Variants in CACNA1C observed in about 807,000 individuals in gnomAD.
CACNA1C encodes the protein voltage-dependent L-type calcium channel subunit alpha-1C.
A neutral mutation model predicts 229.0 loss-of-function variants in CACNA1C; 30 were observed. The ratio of observed to expected loss-of-function variants is 0.13; its 90% CI spans 0.10 to 0.18. The LOEUF is 0.18. Ranked by LOEUF, CACNA1C falls within the 10% of genes least tolerant of loss-of-function variation. CACNA1C has a pLI of 1.00. For synonymous variants in CACNA1C, 1,114 were observed against 1,132.5 expected, an observed-to-expected ratio of 0.98 and a Z score of 0.33; for missense variants, 1,658 against 2,845.0, an observed-to-expected ratio of 0.58 and a Z score of 9.49.
At chr12:2,453,473 G>A (rs572414756) in intron 4 of CACNA1C, among the ~76,000 whole-genome samples, 3 of 152,268 alleles carry the variant, frequency 2.0e-5, no homozygotes, top group South Asian at 2.1e-4. Flanking sequence ...ACGACCCAGC[G>A]TGTAGTGCAC....
At chr12:2,037,661 A>G (rs943420076) in intron 1 of CACNA1C, among the ~76,000 whole-genome samples, 1 of 152,198 alleles carries the variant, frequency 6.6e-6, no homozygotes, top group African/African-American at 2.4e-5. Flanking sequence ...AAGGGTTTCC[A>G]TCAGCTCAGG....
At chr12:2,395,326 C>T (rs1003631290) in intron 3 of CACNA1C, among the ~76,000 whole-genome samples, 3 of 150,744 alleles carry the variant, frequency 2.0e-5, no homozygotes. Flanking sequence ...TGAAGAGATT[C>T]CCCTGCCTCA....
In CACNA1C at chr12:2,410,769, G is replaced by T. The variant is rs2098798531; in HGVS notation, c.478-38207G>T. 6.7e-6 allele frequency among the ~76,000 whole-genome samples: 1 copy of T among 149,798 alleles called. No individual in the cohort carries two copies. The highest frequency in any genetic ancestry group is 1.5e-5 in the Non-Finnish European group (1 of 67,632). ...GTGTGTATTCCAGGAGCTGACTCTA[G>T]TTGTCAGGATGGCTCCCCTGTGTGT... On this transcript the variant is annotated intron_variant, in intron 3 of 46. Transcript: ENST00000399655. The surrounding 1 kb of genome is among the most constrained non-coding windows in gnomAD (Gnocchi z 5.3).
intron 3 of CACNA1C, among the ~76,000 whole-genome samples, chr12:2,361,697 G>A (rs939608026): frequency 2.0e-5 from 3 of 152,198 alleles, no homozygotes; most frequent in Non-Finnish European, 4.4e-5. Context: ...TCTTTTATGT[G>A]AGAGAAAAAT....
intron 7 of CACNA1C, among the ~76,000 whole-genome samples, chr12:2,502,055 A>C (rs1197507384): frequency 6.6e-6 from 1 of 152,196 alleles, no homozygotes; most frequent in Non-Finnish European, 1.5e-5. Context: ...TGCAAGGTTG[A>C]CACAGGCCTG....
intron 9 of CACNA1C, among the ~76,000 whole-genome samples, chr12:2,519,803 G>A (rs542878928): frequency 3.2e-4 from 49 of 152,316 alleles, no homozygotes; most frequent in Non-Finnish European, 5.0e-4. Context: ...AAAGCGGGGC[G>A]TGGGGGCCAT....
At chr12:2,004,423 G>A (rs200127830) in intron 1 of CACNA1C, 3 of 1,609,640 alleles carry the variant, frequency 1.9e-6, no homozygotes, top group South Asian at 2.2e-5. Context: ...CTGCCGCCAC[G>A]GCTGCCATCT....
At chr12:2,618,890 C>A (rs534909537) in intron 29 of CACNA1C, among the ~76,000 whole-genome samples, 6 of 152,202 alleles carry the variant, frequency 3.9e-5, no homozygotes, top group African/African-American at 1.4e-4. Flanking sequence ...ACATTGCTGG[C>A]TGAAATGTAC....
chr12:2,022,628 G>A (rs563960992), intron 1 of CACNA1C, among the ~76,000 whole-genome samples: 1 of 151,392 alleles, frequency 6.6e-6, no homozygotes, highest in Non-Finnish European at 1.5e-5. Flanking sequence ...ATTTTTTGTA[G>A]AGAAGGGGGT....
intron 3 of CACNA1C, among the ~76,000 whole-genome samples, chr12:2,176,479 A>C (rs1199486236): frequency 2.6e-5 from 4 of 151,886 alleles, no homozygotes; most frequent in Non-Finnish European, 5.9e-5. Flanking sequence ...GGAGAAGTCA[A>C]GTAAGGGTAG....
At chr12:2,508,006 G>A (rs2099775504) in intron 8 of CACNA1C, among the ~76,000 whole-genome samples, 2 of 152,242 alleles carry the variant, frequency 1.3e-5, no homozygotes, top group African/African-American at 4.8e-5. Flanking sequence ...GAAACAGCCA[G>A]CAGGCACACA....
chr12:2,105,388 G>A (rs1475354136), intron 1 of CACNA1C, among the ~76,000 whole-genome samples: 2 of 152,200 alleles, frequency 1.3e-5, no homozygotes, highest in Non-Finnish European at 2.9e-5. Context: ...GAGCACATTT[G>A]ACTGCTGTGG....
In CACNA1C at chr12:2,667,269, C is replaced by CACCA. The variant is rs1392863373; in HGVS notation, c.4623+488_4623+491dup. Among the ~76,000 whole-genome samples, 6 of 152,142 alleles carry CACCA rather than the reference C, an allele frequency of 3.9e-5. No individual in the cohort carries two copies. In the East Asian group the frequency reaches 7.7e-4, roughly 20 times the overall value. ...GTCGTTTCCTTTTCTCCCTCCCCTCCACCATGGCCACTCCACGCTCCTTTT... is the reference window on the plus strand; with the variant it reads ...GTCGTTTCCTTTTCTCCCTCCCCTCCACCAACCATGGCCACTCCACGCTCCTTTT... On this transcript the variant is annotated intron_variant, in intron 37 of 46. Coordinates refer to ENST00000399655, the MANE Select transcript of CACNA1C (RefSeq NM_000719.7).
rs192401905 is a variant in CACNA1C, at chr12:2,531,050, A to G, written c.1390+18066A>G. 5.0e-3 allele frequency among the ~76,000 whole-genome samples: 754 copies of G among 152,280 alleles called. 7 individuals are homozygous for G. The highest frequency in any genetic ancestry group is 0.017 in the African/African-American group (722 of 41,546). ...TGCCCAGTGTCCAGGCATCCTACAC[A>G]CTCAGAGCTCTAATACTGAATATTA... On this transcript the variant is annotated intron_variant, in intron 9 of 46. Transcript: ENST00000399655.
chr12:2,160,220 T>A (rs943135667), intron 3 of CACNA1C, among the ~76,000 whole-genome samples: 3 of 152,226 alleles, frequency 2.0e-5, no homozygotes, highest in Non-Finnish European at 2.9e-5. Flanking sequence ...GTTTTGCTTT[T>A]TCTTCTGAGA....
At chr12:2,322,105 G>A (rs2096029437) in intron 3 of CACNA1C, among the ~76,000 whole-genome samples, 1 of 152,206 alleles carries the variant, frequency 6.6e-6, no homozygotes, top group Non-Finnish European at 1.5e-5. Context: ...TGGGTCAATT[G>A]AGTTGCTTCA....
chr12:2,106,518 C>G (rs1318581803), intron 1 of CACNA1C, among the ~76,000 whole-genome samples: 118 of 96,812 alleles, frequency 1.2e-3, no homozygotes, highest in Non-Finnish European at 1.7e-3. Context: ...GCTGGGTGTC[C>G]TGAAGCCACT....
chr12:2,316,365 G>T (rs1405085367), intron 3 of CACNA1C, among the ~76,000 whole-genome samples: 1 of 152,236 alleles, frequency 6.6e-6, no homozygotes, highest in Non-Finnish European at 1.5e-5. Flanking sequence ...ATCAGTCAGT[G>T]TATGTAATGT....
intron 3 of CACNA1C, among the ~76,000 whole-genome samples, chr12:2,317,870 T>C (rs568677149): frequency 1.3e-5 from 2 of 152,240 alleles, no homozygotes; most frequent in South Asian, 4.1e-4. Context: ...CATTTCATAA[T>C]CACACTGAAA....
Sources: gnomAD v4.1 joint callset for allele counts (sites outside exome capture counted in the v4.1 genomes callset) on GRCh38, gnomAD v4.1.1 for gene constraint, Gnocchi (gnomAD v3.1) non-coding constraint, MANE v1.5 for transcripts, NCBI Gene and HGNC (gene_info 2026-07-23, HGNC 2026-07-21) for gene names.